The following TJP3 variants were observed in gnomAD, a reference collection of about 807,000 sequenced individuals.
TJP3 encodes the protein tight junction protein 3.
Under a neutral mutation model 104.2 loss-of-function variants are expected in TJP3, and 85 were observed. The ratio of observed to expected loss-of-function variants is 0.82; its 90% CI spans 0.68 to 0.98. The LOEUF (loss-of-function observed/expected upper bound fraction) is 0.98. Among genes scored for constraint, TJP3 ranks in the 50% least tolerant of loss-of-function variants. The pLI is 0.00. For synonymous variants in TJP3, 550 were observed against 550.6 expected (o/e 1.00, Z 0.02); for missense variants, 1,367 against 1,322.8 (o/e 1.03, Z -0.52).
intron 1 of TJP3, among the ~76,000 whole-genome samples, chr19:3,720,884 TTTCCTTCC>T (rs1195886861): frequency 6.7e-6 from 1 of 149,854 alleles, no homozygotes; most frequent in African/African-American, 2.4e-5. Context: ...CCTTCCCTTC[TTTCCTTCC>T]TTCCTTTTCT....
At chr19:3,716,801 A>ATATATTTTT (rs1421328174) in intron 1 of TJP3, among the ~76,000 whole-genome samples, 4 of 81,970 alleles carry the variant, frequency 4.9e-5, no homozygotes, top group African/African-American at 2.0e-4. Context: ...ATATATATAT[A>ATATATTTTT]TTTTTTTTTT....
chr19:3,714,442 T>C (rs939050762), intron 1 of TJP3, among the ~76,000 whole-genome samples: 5 of 150,972 alleles, frequency 3.3e-5, no homozygotes, highest in Admixed American at 6.6e-5. Flanking sequence ...CCTCCCAAAG[T>C]GCTGGGATTA....
intron 1 of TJP3, among the ~76,000 whole-genome samples, chr19:3,719,239 TGCTG>T (rs74884275): frequency 0.16 from 24,111 of 151,918 alleles, 2,245 homozygotes; most frequent in East Asian, 0.24. Context: ...TTGCGCCACC[TGCTG>T]GTGGCGGAGT....
chr19:3,714,111 C>T (rs939005223), intron 1 of TJP3, among the ~76,000 whole-genome samples: 4 of 151,790 alleles, frequency 2.6e-5, no homozygotes, highest in Non-Finnish European at 5.9e-5. Context: ...AGTGCAGTGG[C>T]GCAATCTTGG....
rs202047874 is a variant in TJP3, at chr19:3,746,523, C to T, written c.2049C>T (p.Ile683=). ...TCCTGGATGTGACCCCCTCCGCCAT[C>T]GAGCGCCTCAACTATGTGCAGTACT... The part of the protein sequence containing the change: ...HALLDVTPSA[I]ERLNYVQYYP... Residue 683 remains isoleucine, a synonymous_variant, in exon 17 of 21, where the codon ATC becomes ATT. Transcript: ENST00000541714. The surrounding 1 kb of genome is among the most constrained non-coding windows in gnomAD (Gnocchi z 4.1). The T allele has an allele frequency of 1.1e-4, 170 of 1,614,046 alleles. No homozygotes were observed. The highest frequency in any genetic ancestry group is 1.5e-4 in the Admixed American group (9 of 60,020).
rs570776885 is a variant in TJP3, at chr19:3,730,746, C to T, written c.613+40C>T. The T allele has an allele frequency of 1.3e-6, 2 of 1,560,664 alleles. No homozygotes were observed. The highest frequency in any genetic ancestry group is 2.7e-5 in the African/African-American group (2 of 73,542). ...GAGGTCGGACACGATCAGTACTGGA[C>T]ACAGGGCACCGTGGTCGGATGGGCG... On this transcript the variant is annotated intron_variant, in intron 5 of 20. Transcript: ENST00000541714. This position sits in a 1 kb window ranked among gnomAD's most constrained non-coding sequence, Gnocchi z 7.3.
At chr19:3,721,946 T>C in intron 1 of TJP3, 2 of 857,716 alleles carry the variant, frequency 2.3e-6, no homozygotes, top group Non-Finnish European at 3.1e-6. Context: ...GGGGAGGGGC[T>C]CGGGCTGAGG....
At chr19:3,725,694 C>CAAAA (rs11412351) in intron 1 of TJP3, among the ~76,000 whole-genome samples, 78 of 119,116 alleles carry the variant, frequency 6.5e-4, no homozygotes, top group Non-Finnish European at 9.4e-4. Flanking sequence ...AACCCCATCT[C>CAAAA]AAAAAAAAAA....
intron 7 of TJP3, 66 bp from the exon 8 acceptor site, chr19:3,734,261 C>A (rs1170663476): frequency 6.6e-7 from 1 of 1,522,508 alleles, no homozygotes; most frequent in Non-Finnish European, 9.0e-7. Context: ...TGATATACCC[C>A]TCTGTAAAAT....
Position 3,728,616 on chromosome 19 carries a change from G to A in TJP3, c.61G>A (p.Gly21Ser). The A allele has an allele frequency of 2.5e-6, 4 of 1,613,086 alleles. No homozygotes were observed. Among genetic ancestry groups the A allele is most frequent in the Non-Finnish European group, 3.4e-6 (4 of 1,179,812 alleles). ...CATCCTCTCTCAGGACCCCCGCCGG[G>A]GCTTTGGCATTGCGATCTCTGGAGG... ...TATLSKDPRRGFGIAISGGRD... is the reference protein window; with the variant it reads ...TATLSKDPRRSFGIAISGGRD... The change falls in exon 3 of 21, where the codon GGC (glycine) becomes AGC (serine). Residue 21 changes from glycine to serine, a missense_variant. Gly to Ser is a moderately conservative substitution (Grantham distance 56). Coordinates refer to ENST00000541714, the MANE Select transcript of TJP3 (RefSeq NM_001267560.2).
chr19:3,738,443 A>G, intron 11 of TJP3, 112 bp from the exon 12 acceptor site: 1 of 899,658 alleles, frequency 1.1e-6, no homozygotes, highest in Non-Finnish European at 1.7e-6. Context: ...GTCCCTTGGC[A>G]GCAGCTCTGG....
intron 9 of TJP3, 78 bp from the exon 10 acceptor site, chr19:3,735,791 G>A: frequency 6.3e-7 from 1 of 1,592,870 alleles, no homozygotes. Context: ...GTCCTTCCAG[G>A]ATGAGGACAT....
chr19:3,736,695 C>G (rs913670596), intron 11 of TJP3, among the ~76,000 whole-genome samples: 18 of 151,842 alleles, frequency 1.2e-4, no homozygotes, highest in African/African-American at 4.1e-4. Flanking sequence ...TCTGCCTCAC[C>G]TCCTGAGTAG....
chr19:3,723,315 G>T (rs1320579835), intron 1 of TJP3, among the ~76,000 whole-genome samples: 1 of 152,144 alleles, frequency 6.6e-6, no homozygotes, highest in Non-Finnish European at 1.5e-5. Context: ...ATGAATAGGA[G>T]TTTGCCAGGG....
chr19:3,714,606 G>A (rs1182110192), intron 1 of TJP3, among the ~76,000 whole-genome samples: 1 of 151,996 alleles, frequency 6.6e-6, no homozygotes, highest in Admixed American at 6.6e-5. Flanking sequence ...AATCGCATAT[G>A]TAACTAAAAA....
In TJP3 at chr19:3,730,131, G is replaced by A. The variant is rs372147082; in HGVS notation, c.261+1G>A. ...GACCTGCACCAAGATGGCCAACATCGTGAGTAGGCAGCCCCTGGCATGGCC... is the reference window on the plus strand; with the variant it reads ...GACCTGCACCAAGATGGCCAACATCATGAGTAGGCAGCCCCTGGCATGGCC... On this transcript the variant is annotated splice_donor_variant, in intron 4 of 20. Transcript: ENST00000541714. LOFTEE classifies it high-confidence loss of function. This position sits in a 1 kb window ranked among gnomAD's most constrained non-coding sequence, Gnocchi z 7.3. The A allele has an allele frequency of 2.0e-5, 33 of 1,613,830 alleles. No homozygotes were observed. The highest frequency in any genetic ancestry group is 2.2e-5 in the East Asian group (1 of 44,882).
intron 1 of TJP3, among the ~76,000 whole-genome samples, chr19:3,711,895 G>A (rs2036437884): frequency 6.6e-6 from 1 of 151,714 alleles, no homozygotes; most frequent in Admixed American, 6.6e-5. Context: ...TGTGTTGGCC[G>A]GCCTGGTCTC....
chr19:3,729,466 G>A (rs987829126), intron 3 of TJP3, among the ~76,000 whole-genome samples: 1 of 152,086 alleles, frequency 6.6e-6, no homozygotes, highest in Non-Finnish European at 1.5e-5. Flanking sequence ...GGAGCGAGGA[G>A]TGAGAAGATG....
At chr19:3,739,957 G>A (rs532296167) in intron 13 of TJP3, among the ~76,000 whole-genome samples, 7 of 152,116 alleles carry the variant, frequency 4.6e-5, no homozygotes, top group Non-Finnish European at 1.0e-4. Context: ...CTGCAGGCCA[G>A]GCACGGTGGC....
Sources: allele counts gnomAD v4.1 joint callset (sites outside exome capture counted in the v4.1 genomes callset), GRCh38; gene constraint gnomAD v4.1.1; non-coding constraint Gnocchi (gnomAD v3.1); transcripts MANE v1.5; gene names NCBI Gene and HGNC (gene_info 2026-07-23, HGNC 2026-07-21).